Variants in PCDHGA9 observed in about 807,000 individuals in gnomAD.
PCDHGA9 encodes the protein protocadherin gamma-A9.
PCDHGA9 carries 37 observed loss-of-function variants against 62.5 expected under a neutral mutation model. The ratio of observed to expected loss-of-function variants is 0.59; its 90% CI spans 0.46 to 0.78. The LOEUF (loss-of-function observed/expected upper bound fraction) is 0.78, where lower values mean the gene tolerates loss of function less well. PCDHGA9 is among the 30% of genes least tolerant of loss of function. The probability of loss-of-function intolerance (pLI) is 0.00; values close to 1 mark genes in which losing one functional copy is unlikely to be tolerated. For missense variants in PCDHGA9, 1,138 were observed against 1,166.2 expected (o/e 0.98, Z 0.35); for synonymous variants, 459 against 484.6 (o/e 0.95, Z 0.69).
In PCDHGA9 at chr5:141,403,461, A is replaced by G. The variant is rs2094410364; in HGVS notation, c.509A>G (p.Tyr170Cys). 6.2e-7 allele frequency: 1 copy of G among 1,614,010 alleles called. No homozygotes were observed. The highest frequency in any genetic ancestry group is 8.5e-7 in the Non-Finnish European group (1 of 1,179,902). ...PDVGVNSLQSYQLSPNHHFSL... is the reference protein window; with the variant it reads ...PDVGVNSLQSCQLSPNHHFSL... ...GTTGGCGTGAACTCCCTCCAGAGCTACCAGCTCAGCCCCAATCACCACTTC... is the reference window on the plus strand; with the variant it reads ...GTTGGCGTGAACTCCCTCCAGAGCTGCCAGCTCAGCCCCAATCACCACTTC... Residue 170 changes from tyrosine to cysteine, a missense_variant, in exon 1 of 4, where the codon TAC (tyrosine) becomes TGC (cysteine). Transcript: ENST00000573521.
intron 1 of PCDHGA9, among the ~76,000 whole-genome samples, chr5:141,471,071 C>T (rs1208702673): frequency 7.7e-6 from 1 of 129,696 alleles, no homozygotes; most frequent in Non-Finnish European, 1.6e-5. Context: ...TTTTTTGAGA[C>T]AGGGTCTCCC....
chr5:141,457,972 A>AC (rs1198043621), intron 1 of PCDHGA9, among the ~76,000 whole-genome samples: 4 of 152,218 alleles, frequency 2.6e-5, no homozygotes, highest in African/African-American at 9.6e-5. Flanking sequence ...TTAAAGGGAA[A>AC]CACACCCTTT....
rs1223444295 is a variant in PCDHGA9, at chr5:141,405,120, A to G, written c.2168A>G (p.His723Arg). Reference sequence around the variant, plus strand: ...AGGCTGAGGCACTGGCACTCCTCGCATCTGCTGCGGGCTACCAGTGATGGG... The same window carrying G: ...AGGCTGAGGCACTGGCACTCCTCGCGTCTGCTGCGGGCTACCAGTGATGGG... ...ALRLRHWHSS[H>R]LLRATSDGLA... The change falls in exon 1 of 4, where the codon CAT becomes CGT. Residue 723 changes from histidine to arginine, a missense_variant. Coordinates refer to ENST00000573521, the MANE Select transcript of PCDHGA9 (RefSeq NM_018921.3). The G allele has an allele frequency of 1.2e-6, 2 of 1,613,938 alleles. No individual in the cohort carries two copies. The highest frequency in any genetic ancestry group is 1.7e-6 in the Non-Finnish European group (2 of 1,179,872).
intron 1 of PCDHGA9, chr5:141,440,642 A>G (rs1351979857): frequency 6.6e-6 from 1 of 152,234 alleles, no homozygotes; most frequent in African/African-American, 2.4e-5. Context: ...AATTCCTTAC[A>G]AAATTATCAC....
chr5:141,422,492 C>G (rs747903569), intron 1 of PCDHGA9: 10 of 1,613,934 alleles, frequency 6.2e-6, no homozygotes, highest in Non-Finnish European at 8.5e-6. Flanking sequence ...TACAATATAA[C>G]GTTGACAGCC....
In PCDHGA9 at chr5:141,404,171, G is replaced by A. The variant is rs532466154; in HGVS notation, c.1219G>A (p.Ala407Thr). 1 of 1,612,734 alleles carries A rather than the reference G, an allele frequency of 6.2e-7. No homozygotes were observed. The highest frequency in any genetic ancestry group is 1.1e-5 in the South Asian group (1 of 90,890). ...AGAAGATTATTACAGATTGTTGACGGCCCAAATTCTTGACCGAGAAAAAGC... is the reference window on the plus strand; with the variant it reads ...AGAAGATTATTACAGATTGTTGACGACCCAAATTCTTGACCGAGAAAAAGC... ...SEEDYYRLLTAQILDREKASE... is the reference protein window; with the variant it reads ...SEEDYYRLLTTQILDREKASE... Residue 407 changes from alanine to threonine, a missense_variant, in exon 1 of 4, where the codon GCC becomes ACC. By Grantham distance (58) the Ala-to-Thr change is moderately conservative. Coordinates refer to ENST00000573521, the MANE Select transcript of PCDHGA9 (RefSeq NM_018921.3).
intron 1 of PCDHGA9, among the ~76,000 whole-genome samples, chr5:141,425,386 G>C (rs2096871887): frequency 6.6e-6 from 1 of 152,224 alleles, no homozygotes; most frequent in South Asian, 2.1e-4. Context: ...TTCGGAGGTA[G>C]TGATAAAGTT....
Position 141,414,630 on chromosome 5 carries a change from C to A in PCDHGA9, c.2424+9254C>A. On this transcript the variant is annotated intron_variant, in intron 1 of 3. Coordinates refer to ENST00000573521, the MANE Select transcript of PCDHGA9 (RefSeq NM_018921.3). ...CAGTGACAGCGCTGGACCCGGACAG[C>A]AAAGAGAATGCCCAGATTATTTACT... 2 of 1,613,980 alleles carry A rather than the reference C, an allele frequency of 1.2e-6. No individual in the cohort carries two copies. Among genetic ancestry groups the A allele is most frequent in the Non-Finnish European group, 1.7e-6 (2 of 1,179,892 alleles).
chr5:141,443,827 G>A (rs1425599112), intron 1 of PCDHGA9, among the ~76,000 whole-genome samples: 1 of 152,054 alleles, frequency 6.6e-6, no homozygotes, highest in African/African-American at 2.4e-5. Context: ...ACATAATTAG[G>A]TAAAATGGGT....
rs2099416627 is a variant in PCDHGA9 at position 141,477,726 on chromosome 5, C to T, written c.2425-17081C>T. 6.2e-7 allele frequency: 1 copy of T among 1,613,822 alleles called. No homozygotes were observed. The highest frequency in any genetic ancestry group is 8.5e-7 in the Non-Finnish European group (1 of 1,180,020). ...GATCGGCGGGAATTTGAATTAACAG[C>T]TCATATCAGCGATGGGGGCACCCCG... On this transcript the variant is annotated intron_variant, in intron 1 of 3. Coordinates refer to ENST00000573521, the MANE Select transcript of PCDHGA9 (RefSeq NM_018921.3). This position sits in a 1 kb window ranked among gnomAD's most constrained non-coding sequence, Gnocchi z 4.9.
intron 1 of PCDHGA9, among the ~76,000 whole-genome samples, chr5:141,456,306 G>A (rs937409031): frequency 4.6e-5 from 7 of 152,158 alleles, no homozygotes; most frequent in Admixed American, 2.6e-4. Context: ...GAGAACAGCA[G>A]CTAGGGCTCC....
chr5:141,511,632 G>A lies in PCDHGA9; in HGVS notation c.*459G>A, dbSNP rs1388627906. The A allele has an allele frequency of 8.6e-6, 2 of 231,934 alleles. No homozygotes were observed. The highest frequency in any genetic ancestry group is 5.1e-5 in the Admixed American group (1 of 19,634). 14.4% of individuals were successfully genotyped at this position (231,934 alleles called of 1,614,324 possible). A position where few individuals can be genotyped will look rare whatever the true frequency, so the allele number is the denominator to read the frequency against. On this transcript the variant is annotated 3_prime_UTR_variant, in exon 4 of 4. Transcript: ENST00000573521. ...CCTCCTAGTTCTGAAAAGTTGGAAG[G>A]GCATCATGACCTCTTGGCCTCTCCT...
intron 1 of PCDHGA9, chr5:141,430,977 A>G (rs761722055): frequency 1.2e-5 from 20 of 1,613,408 alleles, no homozygotes; most frequent in Middle Eastern, 1.7e-4. Flanking sequence ...GGTAGGACGC[A>G]GCTTTTCGCC....
rs182132552 is a variant in PCDHGA9 at position 141,435,146 on chromosome 5, T to A, written c.2424+29770T>A. Among the ~76,000 whole-genome samples the A allele has an allele frequency of 4.6e-3, 696 of 152,288 alleles. 5 individuals carry two copies. Among genetic ancestry groups the A allele is most frequent in the African/African-American group, 0.016 (677 of 41,554 alleles). ...ATGGAAAATATAAATAAAATTGTGA[T>A]AAACTTTTGTAAATAGAGTGGCTTT... On this transcript the variant is annotated intron_variant, in intron 1 of 3. Transcript: ENST00000573521.
chr5:141,431,225 C>A lies in PCDHGA9; in HGVS notation c.2424+25849C>A. On this transcript the variant is annotated intron_variant, in intron 1 of 3. Coordinates refer to ENST00000573521, the MANE Select transcript of PCDHGA9 (RefSeq NM_018921.3). The surrounding 1 kb of genome is among the most constrained non-coding windows in gnomAD (Gnocchi z 4.8). ...CACTGAGATGCGGTTCCCTCTACCC[C>A]ACGCCTGGGATCCGGATATCGGGAA... The A allele has an allele frequency of 1.2e-6, 2 of 1,614,118 alleles. No individual in the cohort carries two copies. The highest frequency in any genetic ancestry group is 1.7e-6 in the Non-Finnish European group (2 of 1,180,036).
chr5:141,418,058 C>A (rs2096216434), intron 1 of PCDHGA9: 1 of 1,613,872 alleles, frequency 6.2e-7, no homozygotes, highest in Non-Finnish European at 8.5e-7. Flanking sequence ...TCGCGAGCTG[C>A]GAGTGAGCGC....
intron 1 of PCDHGA9, chr5:141,468,696 C>G (rs1483766202): frequency 6.6e-6 from 1 of 151,386 alleles, no homozygotes; most frequent in East Asian, 2.0e-4. Context: ...GAAACCCCGT[C>G]TCTACTAAAA....
Position 141,476,072 on chromosome 5 carries a change from C to A in PCDHGA9, c.2425-18735C>A. 1.3e-6 allele frequency: 2 copies of A among 1,523,462 alleles called. No individual in the cohort carries two copies. The highest frequency in any genetic ancestry group is 1.3e-5 in the South Asian group (1 of 77,998). 94.4% of individuals were successfully genotyped at this position (1,523,462 alleles called of 1,614,324 possible). The stretch of plus-strand genomic sequence containing the variant: ...CGCTGAAAGTTTCTCAGCGAAATCT[C>A]AGGGACGATCTGGACCCCGCTGAGA... On this transcript the variant is annotated intron_variant, in intron 1 of 3. Coordinates refer to ENST00000573521, the MANE Select transcript of PCDHGA9 (RefSeq NM_018921.3). The surrounding 1 kb of genome is among the most constrained non-coding windows in gnomAD (Gnocchi z 7.6).
chr5:141,486,361 C>T lies in PCDHGA9; in HGVS notation c.2425-8446C>T. 1.2e-6 allele frequency: 2 copies of T among 1,614,086 alleles called. No individual in the cohort carries two copies. The highest frequency in any genetic ancestry group is 1.7e-6 in the Non-Finnish European group (2 of 1,179,994). On this transcript the variant is annotated intron_variant, in intron 1 of 3. Coordinates refer to ENST00000573521, the MANE Select transcript of PCDHGA9 (RefSeq NM_018921.3). This position sits in a 1 kb window ranked among gnomAD's most constrained non-coding sequence, Gnocchi z 5.0. ...GCATTCCTGACCACTTGCCATTTGCCCTCAAGTCTGCCTTCAGGAACCAGT... is the reference window on the plus strand; with the variant it reads ...GCATTCCTGACCACTTGCCATTTGCTCTCAAGTCTGCCTTCAGGAACCAGT...
Sources: gnomAD v4.1 joint callset for allele counts (sites outside exome capture counted in the v4.1 genomes callset) on GRCh38, gnomAD v4.1.1 for gene constraint, Gnocchi (gnomAD v3.1) non-coding constraint, MANE v1.5 for transcripts, NCBI Gene and HGNC (gene_info 2026-07-23, HGNC 2026-07-21) for gene names.